DMD: variants seen among roughly 807,000 people sequenced by gnomAD.
DMD encodes dystrophin.
DMD carries 63 observed loss-of-function variants against 330.1 expected under a neutral mutation model. The observed-to-expected ratio is 0.19, with a 90% CI of 0.16 to 0.24. The LOEUF (loss-of-function observed/expected upper bound fraction) is 0.24. Ranked by LOEUF, DMD falls within the 10% of genes least tolerant of loss-of-function variation. The probability of loss-of-function intolerance (pLI) is 1.00; values close to 1 mark genes in which losing one functional copy is unlikely to be tolerated. For missense variants in DMD, 3,344 were observed against 2,684.1 expected (o/e 1.25, Z -5.43); for synonymous variants, 1,223 against 959.8 (o/e 1.27, Z -5.07).
chrX:32,739,417 A>C (rs2068945662), intron 7 of DMD, among the ~76,000 whole-genome samples: 1 of 112,050 alleles, frequency 8.9e-6, no homozygotes, highest in Middle Eastern at 4.6e-3. Flanking sequence ...ACAGTTCATG[A>C]AACTGAGAAA....
chrX:31,434,031 T>C (rs192362404), intron 60 of DMD, among the ~76,000 whole-genome samples: 67 of 111,679 alleles, frequency 6.0e-4, no homozygotes, highest in African/African-American at 2.0e-3. Context: ...TCTGTCCTTA[T>C]GGAGCTCACA....
intron 50 of DMD, among the ~76,000 whole-genome samples, chrX:31,815,311 G>T (rs1017529603): frequency 1.8e-5 from 2 of 111,250 alleles, no homozygotes; most frequent in African/African-American, 6.5e-5. Flanking sequence ...TTAGCCAGGC[G>T]TGGTGGCGGG....
intron 1 of DMD, among the ~76,000 whole-genome samples, chrX:33,051,331 C>T (rs770702980): frequency 9.3e-6 from 1 of 107,975 alleles, no homozygotes; most frequent in East Asian, 2.9e-4. Context: ...TCTGCCTCAG[C>T]CTCCTAAGTA....
At chrX:33,218,248 G>T (rs756518722) in intron 1 of DMD, among the ~76,000 whole-genome samples, 1 of 110,938 alleles carries the variant, frequency 9.0e-6, no homozygotes, top group Admixed American at 9.6e-5. Context: ...ATTTGTTAAG[G>T]CTTTTTGTCT....
intron 62 of DMD, among the ~76,000 whole-genome samples, chrX:31,279,537 A>G (rs778863804): frequency 1.8e-5 from 2 of 111,687 alleles, no homozygotes; most frequent in Non-Finnish European, 3.8e-5. Context: ...AACATGACAC[A>G]AGCAGAAACC....
intron 41 of DMD, among the ~76,000 whole-genome samples, chrX:32,328,207 C>T (rs1474100477): frequency 1.8e-5 from 2 of 111,537 alleles, no homozygotes; most frequent in Admixed American, 9.6e-5. Context: ...TGTAATACTT[C>T]TGTTTTGAAT....
chrX:33,045,954 C>T (rs895836270), intron 1 of DMD, among the ~76,000 whole-genome samples: 1 of 111,307 alleles, frequency 9.0e-6, no homozygotes, highest in East Asian at 2.8e-4. Context: ...ACCCCAAATC[C>T]TGGAGGCAGA....
upstream of DMD, among the ~76,000 whole-genome samples, chrX:33,215,397 A>G (rs776105781): frequency 9.2e-6 from 1 of 108,819 alleles, no homozygotes; most frequent in African/African-American, 3.3e-5. Flanking sequence ...TGGTTTGTTG[A>G]TTTAAGTTTC....
intron 4 of DMD, among the ~76,000 whole-genome samples, chrX:32,826,282 C>A (rs1202837803): frequency 8.9e-6 from 1 of 111,772 alleles, no homozygotes; most frequent in African/African-American, 3.2e-5. Flanking sequence ...ATGGAGGTTT[C>A]TCAAAAAATT....
intron 9 of DMD, among the ~76,000 whole-genome samples, chrX:32,646,752 T>A (rs2059809027): frequency 8.9e-6 from 1 of 111,907 alleles, no homozygotes; most frequent in Non-Finnish European, 1.9e-5. Flanking sequence ...GTTAAGTCCT[T>A]CGAGATGACA....
intron 45 of DMD, among the ~76,000 whole-genome samples, chrX:31,961,742 T>TTTTTTTTTTTTTTTTTTTTTTTTTTTTTG (rs1569523664): frequency 1.1e-5 from 1 of 90,411 alleles, no homozygotes; most frequent in Non-Finnish European, 2.1e-5. Context: ...AGGAAGCGGT[T>TTTTTTTTTTTTTTTTTTTTTTTTTTTTTG]TTTTTTTTTT....
intron 50 of DMD, among the ~76,000 whole-genome samples, chrX:31,814,787 G>C (rs1341345097): frequency 8.9e-6 from 1 of 111,866 alleles, no homozygotes; most frequent in African/African-American, 3.2e-5. Context: ...CAAGCCTTCA[G>C]ACCCATGCAA....
intron 44 of DMD, among the ~76,000 whole-genome samples, chrX:32,082,475 C>A (rs1402897025): frequency 9.0e-6 from 1 of 110,792 alleles, no homozygotes; most frequent in Non-Finnish European, 1.9e-5. Flanking sequence ...TCAGGCTGGT[C>A]TTGAACTGCT....
chrX:31,697,405 G>A (rs1400645036), intron 52 of DMD, among the ~76,000 whole-genome samples: 1 of 110,378 alleles, frequency 9.1e-6, no homozygotes, highest in South Asian at 3.9e-4. Context: ...AAAGCTTCTC[G>A]ACTAATTTGT....
At chrX:31,246,146 T>C (rs1202015662) in intron 63 of DMD, among the ~76,000 whole-genome samples, 1 of 112,298 alleles carries the variant, frequency 8.9e-6, no homozygotes, top group African/African-American at 3.2e-5. Context: ...TGGAGAAAGT[T>C]TGAGTGCTCT....
rs923107386 is a variant in DMD, at chrX:32,723,309, T to C, written c.650-24016A>G. ...GGTCACGGTTTATAATCCAATGTGT[T>C]ATTTGTCTTGCTAATACTTTATTGA... On this transcript the variant is annotated intron_variant, in intron 7 of 78. Transcript: ENST00000357033. 5.4e-5 allele frequency among the ~76,000 whole-genome samples: 6 copies of C among 111,286 alleles called. 1 individual carries two copies. The highest frequency in any genetic ancestry group is 1.6e-4 in the African/African-American group (5 of 30,661).
chrX:32,634,977 C>A (rs146999709), intron 11 of DMD, among the ~76,000 whole-genome samples: 1,283 of 111,925 alleles, frequency 0.011, 20 homozygotes, highest in African/African-American at 0.04. Flanking sequence ...CCACAGAGCA[C>A]TCTAATCCAT....
intron 41 of DMD, among the ~76,000 whole-genome samples, chrX:32,337,367 T>C (rs751442058): frequency 3.3e-4 from 36 of 108,747 alleles, no homozygotes; most frequent in East Asian, 1.2e-3. Context: ...AGATGCTCAT[T>C]AGGCATCCAA....
chrX:32,968,755 C>A (rs61272694), intron 2 of DMD, among the ~76,000 whole-genome samples: 27,897 of 107,835 alleles, frequency 0.26, 3,338 homozygotes, highest in African/African-American at 0.46. Context: ...ACAGGCCAGG[C>A]GCGGTGGCTC....
Sources: gnomAD v4.1 joint callset for allele counts (sites outside exome capture counted in the v4.1 genomes callset) on GRCh38, gnomAD v4.1.1 for gene constraint, MANE v1.5 for transcripts, NCBI Gene and HGNC (gene_info 2026-07-23, HGNC 2026-07-21) for gene names.